Variants in FAM168A observed in about 807,000 individuals in gnomAD.
The protein encoded by FAM168A is protein FAM168A.
FAM168A carries 3 observed loss-of-function variants against 28.5 expected under a neutral mutation model. The ratio of observed to expected loss-of-function variants is 0.11; its 90% CI spans 0.05 to 0.27. The LOEUF is 0.27. Among genes scored for constraint, FAM168A ranks in the 10% least tolerant of loss-of-function variants. The pLI, the probability that FAM168A is intolerant of heterozygous loss-of-function variation, is 1.00. For missense variants in FAM168A, 222 were observed against 311.5 expected (o/e 0.71, Z 2.16); for synonymous variants, 122 against 124.2 (o/e 0.98, Z 0.12).
chr11:73,512,415 G>A (rs916993013), intron 1 of FAM168A, among the ~76,000 whole-genome samples: 2 of 152,036 alleles, frequency 1.3e-5, no homozygotes, highest in Non-Finnish European at 2.9e-5. Context: ...AGGAGAGAAT[G>A]AGAAGTGGCT....
chr11:73,475,751 T>C (rs1328679538), intron 1 of FAM168A, among the ~76,000 whole-genome samples: 1 of 152,128 alleles, frequency 6.6e-6, no homozygotes, highest in African/African-American at 2.4e-5. Context: ...GCTGCCCTTA[T>C]CCCAATCCCA....
chr11:73,401,104 A>ATTATTATTATT lies in FAM168A; in HGVS notation c.*5658_*5659insAATAATAATAA, dbSNP rs1555014482. ...GTTTATTATTATTATTATTATTATT[A>ATTATTATTATT]TTATTATTTTAAATTTTATTTCTTT... On this transcript the variant is annotated 3_prime_UTR_variant, in exon 8 of 8. Transcript: ENST00000356467. 1.3e-5 allele frequency: 2 copies of ATTATTATTATT among 149,210 alleles called. No individual in the cohort carries two copies. Among genetic ancestry groups the ATTATTATTATT allele is most frequent in the African/African-American group, 4.9e-5 (2 of 40,932 alleles). 9.2% of individuals were successfully genotyped at this position (149,210 alleles called of 1,614,324 possible).
At chr11:73,535,625 T>C (rs113522713) in intron 1 of FAM168A, among the ~76,000 whole-genome samples, 71 of 152,014 alleles carry the variant, frequency 4.7e-4, no homozygotes, top group Middle Eastern at 3.4e-3. Flanking sequence ...TTCACTGTGT[T>C]AGCCAGGATG....
intron 1 of FAM168A, among the ~76,000 whole-genome samples, chr11:73,530,290 C>T (rs1020143018): frequency 6.6e-6 from 1 of 152,182 alleles, no homozygotes; most frequent in Non-Finnish European, 1.5e-5. Flanking sequence ...CTCTGTGATA[C>T]GAGACTAACC....
At chr11:73,534,148 C>A (rs1405296898) in intron 1 of FAM168A, among the ~76,000 whole-genome samples, 1 of 152,138 alleles carries the variant, frequency 6.6e-6, no homozygotes, top group African/African-American at 2.4e-5. Flanking sequence ...TCTCCTTAGA[C>A]CCTACTTTTG....
At chr11:73,446,072 C>T (rs1867308293) in intron 2 of FAM168A, among the ~76,000 whole-genome samples, 2 of 152,134 alleles carry the variant, frequency 1.3e-5, no homozygotes, top group Admixed American at 1.3e-4. Flanking sequence ...GAGGTATCAG[C>T]AGAACTTTCT....
At chr11:73,409,712 T>C (rs1462525049) in intron 5 of FAM168A, 51 bp from the exon 6 acceptor site, 1 of 1,546,996 alleles carries the variant, frequency 6.5e-7, no homozygotes, top group South Asian at 1.2e-5. Flanking sequence ...GTAGGTGGGA[T>C]ATGGAGAGAG....
intron 1 of FAM168A, among the ~76,000 whole-genome samples, chr11:73,581,193 C>A (rs1944240439): frequency 6.6e-6 from 1 of 152,174 alleles, no homozygotes; most frequent in South Asian, 2.1e-4. Context: ...TAGTGGCTTT[C>A]TGATTTTTGG....
chr11:73,495,306 G>A (rs1387762284), intron 1 of FAM168A, among the ~76,000 whole-genome samples: 1 of 152,192 alleles, frequency 6.6e-6, no homozygotes, highest in Non-Finnish European at 1.5e-5. Context: ...TCCAGCCTGG[G>A]CGACAGAGCG....
intron 2 of FAM168A, among the ~76,000 whole-genome samples, chr11:73,438,585 T>C (rs182804242): frequency 9.2e-5 from 14 of 152,204 alleles, no homozygotes; most frequent in African/African-American, 3.4e-4. Context: ...GTGAAGGGAT[T>C]TGAATGCCAG....
intron 2 of FAM168A, among the ~76,000 whole-genome samples, chr11:73,445,612 C>T (rs1263437312): frequency 6.6e-6 from 1 of 151,652 alleles, no homozygotes; most frequent in African/African-American, 2.4e-5. Context: ...TTGTTGTTTC[C>T]AGAGACTTTG....
chr11:73,595,336 GC>G (rs1373343703), intron 1 of FAM168A, among the ~76,000 whole-genome samples: 1 of 151,860 alleles, frequency 6.6e-6, no homozygotes, highest in Non-Finnish European at 1.5e-5. Context: ...CCATCATTCT[GC>G]CCATTTTGGA....
intron 1 of FAM168A, among the ~76,000 whole-genome samples, chr11:73,593,696 G>A (rs1944408783): frequency 6.6e-6 from 1 of 152,102 alleles, no homozygotes; most frequent in African/African-American, 2.4e-5. Flanking sequence ...AACAATAAAG[G>A]CAACAACTAA....
At chr11:73,409,039 A>C (rs1866559376) in intron 6 of FAM168A, among the ~76,000 whole-genome samples, 1 of 151,936 alleles carries the variant, frequency 6.6e-6, no homozygotes, top group South Asian at 2.1e-4. Flanking sequence ...GCAGCCAGAG[A>C]ATGTTTAAAC....
At chr11:73,539,981 A>G (rs1389305615) in intron 1 of FAM168A, among the ~76,000 whole-genome samples, 1 of 152,254 alleles carries the variant, frequency 6.6e-6, no homozygotes, top group Admixed American at 6.5e-5. Context: ...AGAATTGCAC[A>G]TGCAGTTTCT....
chr11:73,417,214 A>T (rs1388337157), intron 4 of FAM168A, among the ~76,000 whole-genome samples: 3 of 152,226 alleles, frequency 2.0e-5, no homozygotes, highest in Non-Finnish European at 4.4e-5. Context: ...GACGCTGAGT[A>T]CACATCATCT....
intron 1 of FAM168A, among the ~76,000 whole-genome samples, chr11:73,499,432 A>T (rs1008916741): frequency 2.9e-4 from 44 of 152,236 alleles, no homozygotes; most frequent in Middle Eastern, 3.4e-3. Context: ...CAATGAAAAA[A>T]TGCTGAAAAC....
Position 73,476,196 on chromosome 11 carries a change from A to T in FAM168A, c.-18-7704T>A, listed in dbSNP as rs531208345. ...ATTTTGAATGCATTCCCCAAACCAC[A>T]TACAGATCCACTGGTAAAGGGTGGA... On this transcript the variant is annotated intron_variant, in intron 1 of 7. Coordinates refer to ENST00000356467, the MANE Select transcript of FAM168A (RefSeq NM_015159.3). Among the ~76,000 whole-genome samples, 35 of 152,282 alleles carry T rather than the reference A, an allele frequency of 2.3e-4. No individual in the cohort carries two copies. In the South Asian group the frequency reaches 7.2e-3, roughly 32 times the overall value.
In FAM168A at chr11:73,523,864, A is replaced by AC. The variant is rs1943416747; in HGVS notation, c.-18-55373_-18-55372insG. Among the ~76,000 whole-genome samples, 3 of 145,206 alleles carry AC rather than the reference A, an allele frequency of 2.1e-5. No homozygotes were observed. The East Asian group carries it at 6.0e-4, about 29-fold the overall frequency. ...TATCTGAAAATGTCTCTTTTCCCCT[A>AC]TTTTTTTTTTTTTGAAGAGAGAGCA... On this transcript the variant is annotated intron_variant, in intron 1 of 7. Coordinates refer to ENST00000356467, the MANE Select transcript of FAM168A (RefSeq NM_015159.3).
Sources: gnomAD v4.1 joint callset for allele counts (sites outside exome capture counted in the v4.1 genomes callset) on GRCh38, gnomAD v4.1.1 for gene constraint, MANE v1.5 for transcripts, NCBI Gene and HGNC (gene_info 2026-07-23, HGNC 2026-07-21) for gene names.